Variants in TTC28 observed in about 807,000 individuals in gnomAD.
TTC28 encodes the protein tetratricopeptide repeat domain 28, also known as tetratricopeptide repeat protein 28.
TTC28 carries 61 observed loss-of-function variants against 198.0 expected under a neutral mutation model. That is an observed-to-expected ratio of 0.31 (90% CI 0.25 to 0.38). The LOEUF is 0.38. Among genes scored for constraint, TTC28 ranks in the 10% least tolerant of loss-of-function variants. TTC28 has a pLI of 1.00. For missense variants in TTC28, 2,678 were observed against 3,164.0 expected, an observed-to-expected ratio of 0.85 and a Z score of 3.69; for synonymous variants, 1,171 against 1,297.8, an observed-to-expected ratio of 0.90 and a Z score of 2.10.
At chr22:28,454,553 A>C (rs1324655970) in intron 2 of TTC28, among the ~76,000 whole-genome samples, 1 of 152,204 alleles carries the variant, frequency 6.6e-6, no homozygotes, top group Middle Eastern at 3.2e-3. Flanking sequence ...GAAGATACTT[A>C]ACTGAAAGAA....
intron 2 of TTC28, among the ~76,000 whole-genome samples, chr22:28,362,050 T>A (rs921729325): frequency 6.6e-6 from 1 of 152,200 alleles, no homozygotes; most frequent in Non-Finnish European, 1.5e-5. Context: ...GACTGATTAA[T>A]GTTGTTTTAA....
chr22:28,521,662 A>T (rs1421484226), intron 2 of TTC28, among the ~76,000 whole-genome samples: 1 of 152,156 alleles, frequency 6.6e-6, no homozygotes, highest in Non-Finnish European at 1.5e-5. Context: ...TCTCTTGGGG[A>T]TAGTAAGACA....
At chr22:28,203,175 T>C (rs1038657992) in intron 5 of TTC28, among the ~76,000 whole-genome samples, 1 of 152,122 alleles carries the variant, frequency 6.6e-6, no homozygotes, top group African/African-American at 2.4e-5. Flanking sequence ...ACATGGACTT[T>C]AGAGTCAGTC....
chr22:28,591,008 AACACACAC>A (rs55694132), intron 2 of TTC28, among the ~76,000 whole-genome samples: 1,129 of 54,650 alleles, frequency 0.021, 46 homozygotes, highest in East Asian at 0.04. Flanking sequence ...CTCTGCCTCA[AACACACAC>A]ACACACACAC....
chr22:28,243,635 G>C (rs1050334245), intron 5 of TTC28, among the ~76,000 whole-genome samples: 1 of 152,060 alleles, frequency 6.6e-6, no homozygotes, highest in African/African-American at 2.4e-5. Context: ...AAGAGTTTGA[G>C]GCTTGAGTTT....
At chr22:28,139,830 T>C (rs904272237) in intron 6 of TTC28, among the ~76,000 whole-genome samples, 2 of 152,044 alleles carry the variant, frequency 1.3e-5, no homozygotes, top group African/African-American at 4.8e-5. Flanking sequence ...TGAAGTGCCA[T>C]CTCTCTCTGC....
intron 5 of TTC28, among the ~76,000 whole-genome samples, chr22:28,294,047 C>G (rs991949360): frequency 1.3e-5 from 2 of 152,174 alleles, no homozygotes; most frequent in African/African-American, 2.4e-5. Flanking sequence ...GCTGGACATA[C>G]TCTCCTCACA....
At chr22:28,486,420 A>G (rs1396892492) in intron 2 of TTC28, among the ~76,000 whole-genome samples, 1 of 152,214 alleles carries the variant, frequency 6.6e-6, no homozygotes, top group Non-Finnish European at 1.5e-5. Flanking sequence ...CCCAAGTGGC[A>G]AAGTCAAACA....
At chr22:28,611,371 C>T (rs1188960327) in intron 2 of TTC28, among the ~76,000 whole-genome samples, 1 of 152,142 alleles carries the variant, frequency 6.6e-6, no homozygotes, top group Non-Finnish European at 1.5e-5. Context: ...GATCTCTCTG[C>T]AGAAACCCTA....
intron 2 of TTC28, among the ~76,000 whole-genome samples, chr22:28,519,708 T>C (rs905916281): frequency 2.6e-5 from 4 of 152,194 alleles, no homozygotes; most frequent in Admixed American, 6.5e-5. Flanking sequence ...CCTTTTCTTA[T>C]AAAATTACTG....
intron 1 of TTC28, among the ~76,000 whole-genome samples, chr22:28,659,355 G>T (rs550008176): frequency 6.6e-6 from 1 of 151,784 alleles, no homozygotes; most frequent in East Asian, 2.0e-4. Context: ...TGCAACCTCC[G>T]CCTCCCAGGT....
intron 2 of TTC28, among the ~76,000 whole-genome samples, chr22:28,393,159 C>T (rs1454552696): frequency 6.6e-6 from 1 of 152,010 alleles, no homozygotes; most frequent in African/African-American, 2.4e-5. Flanking sequence ...CTGGGAATAC[C>T]CAGATGTGAG....
At chr22:28,530,399 A>G (rs528233656) in intron 2 of TTC28, among the ~76,000 whole-genome samples, 1 of 152,342 alleles carries the variant, frequency 6.6e-6, no homozygotes, top group South Asian at 2.1e-4. Flanking sequence ...TCCAAGAAAT[A>G]TGGGACTATG....
intron 1 of TTC28, among the ~76,000 whole-genome samples, chr22:28,638,018 C>A (rs1239949456): frequency 1.3e-5 from 2 of 152,236 alleles, no homozygotes; most frequent in African/African-American, 4.8e-5. Flanking sequence ...ATTATAAATA[C>A]ATATACACCC....
intron 2 of TTC28, among the ~76,000 whole-genome samples, chr22:28,566,888 A>T (rs2049977436): frequency 6.6e-6 from 1 of 152,096 alleles, no homozygotes; most frequent in Non-Finnish European, 1.5e-5. Flanking sequence ...GTTCGAGACC[A>T]GCCTCGGAAA....
intron 2 of TTC28, among the ~76,000 whole-genome samples, chr22:28,497,419 T>C (rs1268901296): frequency 6.6e-6 from 1 of 152,192 alleles, no homozygotes; most frequent in Non-Finnish European, 1.5e-5. Context: ...TCATAATAAA[T>C]ACTGATTTAT....
intron 17 of TTC28, among the ~76,000 whole-genome samples, 186 bp from the exon 18 acceptor site, chr22:27,993,704 A>G (rs1937496689): frequency 6.6e-6 from 1 of 152,174 alleles, no homozygotes; most frequent in African/African-American, 2.4e-5. Context: ...GGGAGGGCAC[A>G]GAAGGGAAGG....
chr22:28,094,976 A>C (rs188390822), intron 11 of TTC28, among the ~76,000 whole-genome samples: 6 of 152,268 alleles, frequency 3.9e-5, no homozygotes, highest in African/African-American at 1.2e-4. Flanking sequence ...GGAAAAAGAA[A>C]CAATAGAAGC....
At chr22:28,012,515 C>T (rs1017667605) in intron 14 of TTC28, among the ~76,000 whole-genome samples, 1 of 152,074 alleles carries the variant, frequency 6.6e-6, no homozygotes, top group African/African-American at 2.4e-5. Flanking sequence ...CTTTATGCAC[C>T]TGTATGTTTT....
Sources: allele counts gnomAD v4.1 joint callset (sites outside exome capture counted in the v4.1 genomes callset), GRCh38; gene constraint gnomAD v4.1.1; transcripts MANE v1.5; gene names NCBI Gene and HGNC (gene_info 2026-07-23, HGNC 2026-07-21).